FAM241A: variants seen among roughly 807,000 people sequenced by gnomAD.
The protein encoded by FAM241A is uncharacterized protein FAM241A.
In FAM241A, 7 loss-of-function variants were observed where a neutral mutation model predicts 12.2. That is an observed-to-expected ratio of 0.58 (90% CI 0.33 to 1.08). The LOEUF (loss-of-function observed/expected upper bound fraction) is 1.08, where lower values mean the gene tolerates loss of function less well. Ranked by LOEUF, FAM241A falls within the 50% of genes least tolerant of loss-of-function variation. The pLI, the probability that FAM241A is intolerant of heterozygous loss-of-function variation, is 0.04. For missense variants in FAM241A, 161 were observed against 169.7 expected (o/e 0.95, Z 0.29); for synonymous variants, 74 against 68.2 (o/e 1.08, Z -0.42).
chr4:112,149,869 G>A (rs934126750), intron 1 of FAM241A, among the ~76,000 whole-genome samples: 1 of 151,826 alleles, frequency 6.6e-6, no homozygotes, highest in Non-Finnish European at 1.5e-5. Flanking sequence ...CACATTGGCT[G>A]TAAATATTTT....
Position 112,190,698 on chromosome 4 carries a change from CA to C in FAM241A, c.*3776del, listed in dbSNP as rs969099285. 6.0e-3 allele frequency: 544 copies of C among 90,382 alleles called. 1 individual carries two copies. The highest frequency in any genetic ancestry group is 6.4e-3 in the Middle Eastern group (1 of 156). 5.6% of individuals were successfully genotyped at this position (90,382 alleles called of 1,614,324 possible). On this transcript the variant is annotated 3_prime_UTR_variant, in exon 2 of 2. Coordinates refer to ENST00000309733, the MANE Select transcript of FAM241A (RefSeq NM_152400.3). Reference sequence around the variant, plus strand: ...GGGCAACAAGAGCGAAACTCCATCTCAAAAAAAAAAAAAAAAGACTTTCATG... The same window carrying C: ...GGGCAACAAGAGCGAAACTCCATCTCAAAAAAAAAAAAAAAGACTTTCATG...
rs1277742446 is a variant in FAM241A, at chr4:112,188,443, G to C, written c.*1505G>C. The C allele has an allele frequency of 6.6e-6, 1 of 152,118 alleles. No homozygotes were observed. Among genetic ancestry groups the C allele is most frequent in the Non-Finnish European group, 1.5e-5 (1 of 67,990 alleles). 9.4% of individuals were successfully genotyped at this position (152,118 alleles called of 1,614,324 possible). A position where few individuals can be genotyped will look rare whatever the true frequency, so the allele number is the denominator to read the frequency against. ...CAGATAATCCTAAACAAAAATGTTAGTCAGGGTCACTAAAAAGTATTGCAC... is the reference window on the plus strand; with the variant it reads ...CAGATAATCCTAAACAAAAATGTTACTCAGGGTCACTAAAAAGTATTGCAC... On this transcript the variant is annotated 3_prime_UTR_variant, in exon 2 of 2. Coordinates refer to ENST00000309733, the MANE Select transcript of FAM241A (RefSeq NM_152400.3).
At chr4:112,153,783 T>G (rs1259459285) in intron 1 of FAM241A, among the ~76,000 whole-genome samples, 1 of 152,198 alleles carries the variant, frequency 6.6e-6, no homozygotes, top group East Asian at 1.9e-4. Flanking sequence ...ATCAGAGTTC[T>G]AATCAAAAGG....
Position 112,187,179 on chromosome 4 carries a change from C to G in FAM241A, c.*241C>G, listed in dbSNP as rs1724065124. On this transcript the variant is annotated 3_prime_UTR_variant, in exon 2 of 2. Coordinates refer to ENST00000309733, the MANE Select transcript of FAM241A (RefSeq NM_152400.3). ...AACTCTTGTTTCACTACTGTGATCTCTGTCTCCTTTATACACCTCTATCCC... is the reference window on the plus strand; with the variant it reads ...AACTCTTGTTTCACTACTGTGATCTGTGTCTCCTTTATACACCTCTATCCC... 1 of 474,938 alleles carries G rather than the reference C, an allele frequency of 2.1e-6. No individual in the cohort carries two copies. The highest frequency in any genetic ancestry group is 3.7e-5 in the East Asian group (1 of 26,978). The allele number at this position is 474,938 out of a possible 1,614,324, so 29.4% of individuals were successfully genotyped here.
chr4:112,181,737 G>A (rs1177028370), intron 1 of FAM241A, among the ~76,000 whole-genome samples: 2 of 152,180 alleles, frequency 1.3e-5, no homozygotes, highest in East Asian at 1.9e-4. Flanking sequence ...TCCCTGTGGC[G>A]AGCAAGAGCT....
rs1406160096 is a variant in FAM241A, at chr4:112,194,401, G to A, written c.*7463G>A. The A allele has an allele frequency of 6.6e-6, 1 of 151,444 alleles. No homozygotes were observed. Among genetic ancestry groups the A allele is most frequent in the Non-Finnish European group, 1.5e-5 (1 of 67,726 alleles). The allele number at this position is 151,444 out of a possible 1,614,324, so 9.4% of individuals were successfully genotyped here. A position where few individuals can be genotyped will look rare whatever the true frequency, so the allele number is the denominator to read the frequency against. The stretch of plus-strand genomic sequence containing the variant: ...CAACACTATGTTGAATAGGAGTGGT[G>A]AGAGAGGGCATCCCTGTCTTGTGCC... On this transcript the variant is annotated 3_prime_UTR_variant, in exon 2 of 2. Coordinates refer to ENST00000309733, the MANE Select transcript of FAM241A (RefSeq NM_152400.3).
intron 1 of FAM241A, among the ~76,000 whole-genome samples, chr4:112,161,376 G>A (rs906540642): frequency 1.3e-5 from 2 of 152,086 alleles, no homozygotes; most frequent in East Asian, 3.8e-4. Flanking sequence ...CTAGGAGCTG[G>A]TTTTTTGAAA....
intron 1 of FAM241A, among the ~76,000 whole-genome samples, chr4:112,174,399 A>G (rs754099398): frequency 2.0e-5 from 3 of 152,212 alleles, no homozygotes; most frequent in Non-Finnish European, 4.4e-5. Context: ...CACGCCTGTA[A>G]TCCCAGCACT....
Position 112,145,493 on chromosome 4 carries a change from C to T in FAM241A, c.-88C>T, listed in dbSNP as rs1723113191. On this transcript the variant is annotated 5_prime_UTR_variant, in exon 1 of 2. Transcript: ENST00000309733. ...TGTCAGCGGCGGGTGCGGCGGATCCCAGGGCAGCCTTCGGGCGGCGGCGCT... is the reference window on the plus strand; with the variant it reads ...TGTCAGCGGCGGGTGCGGCGGATCCTAGGGCAGCCTTCGGGCGGCGGCGCT... 3 of 1,166,722 alleles carry T rather than the reference C, an allele frequency of 2.6e-6. No individual in the cohort carries two copies. Among genetic ancestry groups the T allele is most frequent in the Admixed American group, 4.5e-5 (1 of 22,338 alleles). The allele number at this position is 1,166,722 out of a possible 1,614,324, so 72.3% of individuals were successfully genotyped here. A position where few individuals can be genotyped will look rare whatever the true frequency, so the allele number is the denominator to read the frequency against.
At chr4:112,177,250 A>T (rs1723841395) in intron 1 of FAM241A, among the ~76,000 whole-genome samples, 1 of 151,624 alleles carries the variant, frequency 6.6e-6, no homozygotes, top group Non-Finnish European at 1.5e-5. Context: ...AAAGATAGTG[A>T]TACTCATTTT....
At chr4:112,162,671 A>G (rs563994622) in intron 1 of FAM241A, among the ~76,000 whole-genome samples, 10 of 152,352 alleles carry the variant, frequency 6.6e-5, no homozygotes, top group African/African-American at 2.4e-4. Context: ...GACACAACCA[A>G]ATGGAAGAAC....
At chr4:112,161,863 G>A (rs556950083) in intron 1 of FAM241A, among the ~76,000 whole-genome samples, 1 of 152,214 alleles carries the variant, frequency 6.6e-6, no homozygotes, top group South Asian at 2.1e-4. Flanking sequence ...CAAAAAAAGA[G>A]AATTTTAGAC....
chr4:112,183,117 T>A (rs1340007404), intron 1 of FAM241A, among the ~76,000 whole-genome samples: 1 of 152,176 alleles, frequency 6.6e-6, no homozygotes, highest in African/African-American at 2.4e-5. Flanking sequence ...CTTTTAGGCA[T>A]TAGCCTAGTG....
In FAM241A at chr4:112,187,020, G is replaced by A. The variant is rs1724062439; in HGVS notation, c.*82G>A. 4.0e-6 allele frequency: 6 copies of A among 1,488,860 alleles called. No individual in the cohort carries two copies. The South Asian group carries it at 4.1e-5, about 10-fold the overall frequency. The allele number at this position is 1,488,860 out of a possible 1,614,324, so 92.2% of individuals were successfully genotyped here. A position where few individuals can be genotyped will look rare whatever the true frequency, so the allele number is the denominator to read the frequency against. On this transcript the variant is annotated 3_prime_UTR_variant, in exon 2 of 2. Coordinates refer to ENST00000309733, the MANE Select transcript of FAM241A (RefSeq NM_152400.3). ...TTATATATTTCACTTTTTGACAACCGAAAAAGTTTGCCTTGTTTCAAATCA... is the reference window on the plus strand; with the variant it reads ...TTATATATTTCACTTTTTGACAACCAAAAAAGTTTGCCTTGTTTCAAATCA...
At chr4:112,174,049 T>C in intron 1 of FAM241A, among the ~76,000 whole-genome samples, 1 of 152,188 alleles carries the variant, frequency 6.6e-6, no homozygotes, top group Non-Finnish European at 1.5e-5. Context: ...CCTGGAGGAG[T>C]AGGCCTCTGG....
intron 1 of FAM241A, among the ~76,000 whole-genome samples, chr4:112,148,781 AAG>A (rs1406944904): frequency 1.3e-5 from 2 of 152,196 alleles, no homozygotes; most frequent in Non-Finnish European, 2.9e-5. Flanking sequence ...GGCTTTATGT[AAG>A]AGTTTCTGTG....
Position 112,179,914 on chromosome 4 carries a change from G to GATATATATAT in FAM241A, c.154-6764_154-6755dup, listed in dbSNP as rs34513702. On this transcript the variant is annotated intron_variant, in intron 1 of 1. Coordinates refer to ENST00000309733, the MANE Select transcript of FAM241A (RefSeq NM_152400.3). ...ATGGTGGATTGCATAAAGAAAATGT[G>GATATATATAT]ATATATATATATATATATATATATG... is the stretch of plus-strand genomic sequence containing the variant. Among the ~76,000 whole-genome samples, 1,169 of 117,708 alleles carry GATATATATAT rather than the reference G, an allele frequency of 9.9e-3. 24 individuals are homozygous for GATATATATAT. Among genetic ancestry groups the GATATATATAT allele is most frequent in the African/African-American group, 0.026 (738 of 28,856 alleles). The allele number at this position is 117,708 out of a possible 152,430, so 77.2% of individuals were successfully genotyped here.
At position 112,193,391 on chromosome 4, in the gene FAM241A, C is replaced by G. The variant is rs1462013293; in HGVS notation, c.*6453C>G. On this transcript the variant is annotated 3_prime_UTR_variant, in exon 2 of 2. Coordinates refer to ENST00000309733, the MANE Select transcript of FAM241A (RefSeq NM_152400.3). The stretch of plus-strand genomic sequence containing the variant: ...TCAATTTTGTCTTTTGTTGCCATTG[C>G]TTTTGGTGTTTTAGACATGAAGTCC... 6.6e-6 allele frequency: 1 copy of G among 152,050 alleles called. No individual in the cohort carries two copies. The highest frequency in any genetic ancestry group is 1.5e-5 in the Non-Finnish European group (1 of 68,014). 9.4% of individuals were successfully genotyped at this position (152,050 alleles called of 1,614,324 possible). A position where few individuals can be genotyped will look rare whatever the true frequency, so the allele number is the denominator to read the frequency against.
At chr4:112,179,943 ATG>A (rs35177969) in intron 1 of FAM241A, among the ~76,000 whole-genome samples, 3,993 of 129,450 alleles carry the variant, frequency 0.031, 83 homozygotes, top group Non-Finnish European at 0.041. Flanking sequence ...ATATATGTAT[ATG>A]TGTGTGTGTG....
Sources: gnomAD v4.1 joint callset for allele counts (sites outside exome capture counted in the v4.1 genomes callset) on GRCh38, gnomAD v4.1.1 for gene constraint, MANE v1.5 for transcripts, NCBI Gene and HGNC (gene_info 2026-07-23, HGNC 2026-07-21) for gene names.